Variants in PKD1L3 observed in about 807,000 individuals in gnomAD.
The protein encoded by PKD1L3 is polycystin 1 like 3, transient receptor potential channel interacting.
PKD1L3 carries 239 observed loss-of-function variants against 184.1 expected under a neutral mutation model. That is an observed-to-expected ratio of 1.30 (90% CI 1.17 to 1.45). The LOEUF is 1.45. Among genes scored for constraint, PKD1L3 ranks in the 40% most tolerant of loss-of-function variants. The probability of loss-of-function intolerance (pLI) is 0.00; values close to 1 mark genes in which losing one functional copy is unlikely to be tolerated. For missense variants in PKD1L3, 2,660 were observed against 2,067.2 expected (o/e 1.29, Z -5.56); for synonymous variants, 996 against 778.8 (o/e 1.28, Z -4.64).
intron 22 of PKD1L3, among the ~76,000 whole-genome samples, chr16:71,945,194 G>A (rs12599192): frequency 0.72 from 103,279 of 143,152 alleles, 37,921 homozygotes; most frequent in East Asian, 0.98. Flanking sequence ...ATTTTAATGT[G>A]CATAGGAATC....
chr16:71,933,536 A>T lies in PKD1L3; in HGVS notation c.4825-15T>A. On this transcript the variant is annotated splice_polypyrimidine_tract_variant and intron_variant, in intron 27 of 29. Coordinates refer to ENST00000620267, the MANE Select transcript of PKD1L3 (RefSeq NM_181536.2). ...AGCAGGTTAAACTGAACAGAAGGAG[A>T]AAGGCCAGTTAGTGCAAGCCGAGCG... The T allele has an allele frequency of 6.6e-7, 1 of 1,526,568 alleles. No homozygotes were observed. Among genetic ancestry groups the T allele is most frequent in the Non-Finnish European group, 8.9e-7 (1 of 1,124,074 alleles). 94.6% of individuals were successfully genotyped at this position (1,526,568 alleles called of 1,614,324 possible).
At chr16:71,976,467 G>C (rs2039928952) in intron 11 of PKD1L3, among the ~76,000 whole-genome samples, 1 of 151,250 alleles carries the variant, frequency 6.6e-6, no homozygotes, top group Admixed American at 6.6e-5. Flanking sequence ...ATGTTGACCA[G>C]GCTGGTCTCC....
chr16:71,967,893 T>G lies in PKD1L3; in HGVS notation c.2286+13A>C, dbSNP rs993299497. 2 of 1,540,844 alleles carry G rather than the reference T, an allele frequency of 1.3e-6. No homozygotes were observed. Among genetic ancestry groups the G allele is most frequent in the Admixed American group, 2.0e-5 (1 of 50,452 alleles). ...AGACACAAGGCAATGTGAAAAACATTTATTTCATTAACCTTAGCTGTTGTA... is the reference window on the plus strand; with the variant it reads ...AGACACAAGGCAATGTGAAAAACATGTATTTCATTAACCTTAGCTGTTGTA... On this transcript the variant is annotated intron_variant, in intron 14 of 29. Transcript: ENST00000620267.
intron 6 of PKD1L3, among the ~76,000 whole-genome samples, chr16:71,982,629 C>T (rs1226409013): frequency 1.3e-5 from 2 of 151,894 alleles, no homozygotes; most frequent in Non-Finnish European, 2.9e-5. Context: ...TGGGGTCTTG[C>T]TCTGTTGCCC....
At chr16:71,998,144 CA>C in intron 2 of PKD1L3, 127 bp downstream of exon 2, 1 of 1,274,220 alleles carries the variant, frequency 7.8e-7, no homozygotes, top group South Asian at 1.4e-5. Context: ...TCATGAAAAT[CA>C]AAAGCCCTGT....
At chr16:71,973,669 C>T (rs1034139296) in intron 11 of PKD1L3, among the ~76,000 whole-genome samples, 152 bp from the exon 12 acceptor site, 2 of 152,148 alleles carry the variant, frequency 1.3e-5, no homozygotes, top group African/African-American at 2.4e-5. Flanking sequence ...ACCAGTGATA[C>T]AACCCTGGGC....
intron 2 of PKD1L3, 55 bp downstream of exon 2, chr16:71,998,217 T>C: frequency 6.5e-7 from 1 of 1,546,750 alleles, no homozygotes; most frequent in Non-Finnish European, 8.7e-7. Context: ...CACTCCTTAT[T>C]TAGAATCAGT....
intron 13 of PKD1L3, among the ~76,000 whole-genome samples, chr16:71,969,172 C>T (rs2039614414): frequency 6.6e-6 from 1 of 152,028 alleles, no homozygotes; most frequent in African/African-American, 2.4e-5. Flanking sequence ...CTCAGGTGAT[C>T]CACCTGCCTC....
chr16:71,977,557 G>GGTCTTA, intron 10 of PKD1L3, 90 bp from the exon 11 acceptor site: 1 of 671,618 alleles, frequency 1.5e-6, no homozygotes, highest in Non-Finnish European at 2.2e-6. Flanking sequence ...AAACGTCCTA[G>GGTCTTA]CTCTTTTTTT....
intron 2 of PKD1L3, among the ~76,000 whole-genome samples, chr16:71,997,274 G>T (rs1054528825): frequency 6.6e-6 from 1 of 151,250 alleles, no homozygotes; most frequent in Non-Finnish European, 1.5e-5. Flanking sequence ...TCAGTTGTAT[G>T]GTAGTTGTTT....
chr16:71,949,041 T>C (rs188180240), intron 21 of PKD1L3, among the ~76,000 whole-genome samples: 2 of 152,124 alleles, frequency 1.3e-5, no homozygotes, highest in South Asian at 2.1e-4. Context: ...TAAAATGATA[T>C]GAAGTCTGAT....
chr16:71,942,542 AG>A lies in PKD1L3; in HGVS notation c.4324+17del, dbSNP rs2038396494. 1 of 1,536,018 alleles carries A rather than the reference AG, an allele frequency of 6.5e-7. No homozygotes were observed. The highest frequency in any genetic ancestry group is 2.0e-5 in the Admixed American group (1 of 50,280). On this transcript the variant is annotated intron_variant, in intron 24 of 29. Transcript: ENST00000620267. ...TCTTTGCTACGTGTGGTTGAATTCCAGGGGTCACTCCAGTTACCTCTCATGA... is the reference window on the plus strand; with the variant it reads ...TCTTTGCTACGTGTGGTTGAATTCCAGGGTCACTCCAGTTACCTCTCATGA...
chr16:71,989,253 C>G (rs2040495762), intron 4 of PKD1L3, among the ~76,000 whole-genome samples: 1 of 152,206 alleles, frequency 6.6e-6, no homozygotes, highest in Non-Finnish European at 1.5e-5. Context: ...CTCCTGGGTT[C>G]AAGTGATTCT....
At chr16:71,969,726 C>T (rs556747554) in intron 13 of PKD1L3, 149 bp downstream of exon 13, 22 of 730,980 alleles carry the variant, frequency 3.0e-5, no homozygotes, top group South Asian at 2.0e-4. Flanking sequence ...TCAGCAGACA[C>T]GAAGATAAAT....
intron 16 of PKD1L3, among the ~76,000 whole-genome samples, chr16:71,959,084 CAAA>C (rs34063785): frequency 2.1e-4 from 16 of 77,032 alleles, no homozygotes; most frequent in African/African-American, 9.0e-4. Context: ...ACTCCCGTCT[CAAA>C]AAAAAAAAAA....
At chr16:71,952,745 A>AG (rs1325360747) in intron 18 of PKD1L3, 149 bp downstream of exon 18, 3 of 728,080 alleles carry the variant, frequency 4.1e-6, no homozygotes, top group East Asian at 6.4e-5. Flanking sequence ...CTGAGGTGGG[A>AG]GGACCACTTG....
intron 28 of PKD1L3, among the ~76,000 whole-genome samples, chr16:71,932,560 G>A (rs62053796): frequency 0.029 from 4,404 of 151,716 alleles, 114 homozygotes; most frequent in Non-Finnish European, 0.042. Flanking sequence ...TGCAACCTCC[G>A]CCTGCCAGGT....
chr16:71,942,794 G>T lies in PKD1L3; in HGVS notation c.4090C>A (p.Gln1364Lys). 6.4e-7 allele frequency: 1 copy of T among 1,551,480 alleles called. No homozygotes were observed. Among genetic ancestry groups the T allele is most frequent in the Non-Finnish European group, 8.7e-7 (1 of 1,146,916 alleles). Residue 1364 changes from glutamine to lysine, a missense_variant, in exon 24 of 30, where the codon CAA (glutamine) becomes AAA (lysine). Coordinates refer to ENST00000620267, the MANE Select transcript of PKD1L3 (RefSeq NM_181536.2). The part of the protein sequence containing the change: ...LEPSHCKCGV[Q>K]LIFQIPRTKT... ...GTACGGGGTATTTGGAAAATTAATT[G>T]TACCCCACATTTGCAATGACTGGGC...
chr16:71,937,422 G>C lies in PKD1L3; in HGVS notation c.4325-3C>G. Reference sequence around the variant, plus strand: ...TCTCAAAGAGGTGAAGAAAGCACCTGAGAATAACAAAGAACACCTGGAGTC... The same window carrying C: ...TCTCAAAGAGGTGAAGAAAGCACCTCAGAATAACAAAGAACACCTGGAGTC... On this transcript the variant is annotated splice_region_variant and splice_polypyrimidine_tract_variant and intron_variant, in intron 24 of 29. Coordinates refer to ENST00000620267, the MANE Select transcript of PKD1L3 (RefSeq NM_181536.2). The C allele has an allele frequency of 1.9e-6, 3 of 1,550,350 alleles. No individual in the cohort carries two copies. The highest frequency in any genetic ancestry group is 2.6e-6 in the Non-Finnish European group (3 of 1,146,626).
Sources: allele counts gnomAD v4.1 joint callset (sites outside exome capture counted in the v4.1 genomes callset), GRCh38; gene constraint gnomAD v4.1.1; transcripts MANE v1.5; gene names NCBI Gene and HGNC (gene_info 2026-07-23, HGNC 2026-07-21).